Variants in FREM2 observed in about 807,000 individuals in gnomAD.
FREM2 encodes the protein FRAS1 related extracellular matrix 2, also known as FRAS1-related extracellular matrix protein 2.
A neutral mutation model predicts 219.9 loss-of-function variants in FREM2; 119 were observed. The ratio of observed to expected loss-of-function variants is 0.54; its 90% confidence interval spans 0.47 to 0.63. FREM2 has a LOEUF of 0.63. Ranked by LOEUF, FREM2 falls within the 30% of genes least tolerant of loss-of-function variation. The probability of loss-of-function intolerance (pLI) is 0.00; values close to 1 mark genes in which losing one functional copy is unlikely to be tolerated. For missense variants in FREM2, 4,030 were observed against 3,993.6 expected, an observed-to-expected ratio of 1.01 and a Z score of -0.25; for synonymous variants, 1,562 against 1,522.8, an observed-to-expected ratio of 1.03 and a Z score of -0.60.
intron 2 of FREM2, among the ~76,000 whole-genome samples, chr13:38,754,187 G>T (rs1166419691): frequency 1.3e-5 from 2 of 151,954 alleles, no homozygotes; most frequent in Non-Finnish European, 2.9e-5. Flanking sequence ...AAACCAGAGG[G>T]TCTTAAATCC....
chr13:38,825,554 C>T (rs1337859337), intron 6 of FREM2, among the ~76,000 whole-genome samples: 3 of 152,080 alleles, frequency 2.0e-5, no homozygotes, highest in African/African-American at 4.8e-5. Context: ...GTTAGCCTTC[C>T]ACCTAAAGCC....
chr13:38,766,293 A>G (rs1275288611), intron 3 of FREM2, among the ~76,000 whole-genome samples: 2 of 151,950 alleles, frequency 1.3e-5, no homozygotes, highest in Non-Finnish European at 2.9e-5. Flanking sequence ...TTTTCAATGC[A>G]CTATTATTTT....
At chr13:38,740,299 G>A (rs1872190311) in intron 2 of FREM2, among the ~76,000 whole-genome samples, 2 of 152,142 alleles carry the variant, frequency 1.3e-5, no homozygotes, top group South Asian at 4.1e-4. Flanking sequence ...CGAGAGATAT[G>A]TTACTTCAGT....
intron 6 of FREM2, among the ~76,000 whole-genome samples, chr13:38,832,008 G>A (rs1340677403): frequency 6.6e-6 from 1 of 152,018 alleles, no homozygotes; most frequent in Non-Finnish European, 1.5e-5. Context: ...TTTATGTAAA[G>A]TATTTATTGA....
At chr13:38,856,069 A>T (rs1014006064) in intron 11 of FREM2, 57 bp from the exon 12 acceptor site, 98 of 1,165,762 alleles carry the variant, frequency 8.4e-5, no homozygotes, top group Non-Finnish European at 1.1e-4. Flanking sequence ...AAAAAAAAAT[A>T]GAAAACTTCT....
chr13:38,799,613 A>C (rs915510436), intron 6 of FREM2, among the ~76,000 whole-genome samples: 8 of 151,896 alleles, frequency 5.3e-5, no homozygotes, highest in Admixed American at 3.9e-4. Context: ...CTTTAGACCT[A>C]GTAATATTTA....
intron 11 of FREM2, among the ~76,000 whole-genome samples, chr13:38,854,680 G>A (rs1027499439): frequency 1.3e-5 from 2 of 152,092 alleles, no homozygotes; most frequent in African/African-American, 4.8e-5. Flanking sequence ...AGACTGATGG[G>A]CTCATTATGA....
chr13:38,805,587 T>C (rs888662130), intron 6 of FREM2, among the ~76,000 whole-genome samples: 1 of 151,806 alleles, frequency 6.6e-6, no homozygotes, highest in African/African-American at 2.4e-5. Context: ...ATGGTGGCAG[T>C]TGAAATAAGG....
chr13:38,876,465 C>T, intron 20 of FREM2, 83 bp downstream of exon 20: 1 of 1,039,356 alleles, frequency 9.6e-7, no homozygotes, highest in Non-Finnish European at 1.5e-6. Context: ...AAAAAATCCA[C>T]ACGTGAATGA....
At chr13:38,836,855 C>T (rs1278997702) in intron 6 of FREM2, among the ~76,000 whole-genome samples, 1 of 151,994 alleles carries the variant, frequency 6.6e-6, no homozygotes. Context: ...ATTAGTGTGG[C>T]TAGTGGTGTA....
In FREM2 at chr13:38,861,486, A is replaced by G. The variant is rs768120375; in HGVS notation, c.7575A>G (p.Lys2525=). The change falls in exon 15 of 24, where the codon AAA becomes AAG. Residue 2525 remains lysine, a synonymous_variant. Coordinates refer to ENST00000280481, the MANE Select transcript of FREM2 (RefSeq NM_207361.6). ...GVVGAEPFSA[K]LRYTGPEDAD... ...TTGGAGCAGAGCCGTTCTCAGCTAA[A>G]TTGCGCTACACAGGCCCTGAGGATG... 1 of 1,613,882 alleles carries G rather than the reference A, an allele frequency of 6.2e-7. No homozygotes were observed. The highest frequency in any genetic ancestry group is 2.2e-5 in the East Asian group (1 of 44,874).
chr13:38,701,835 T>A (rs1255270823), intron 2 of FREM2, among the ~76,000 whole-genome samples: 1 of 152,080 alleles, frequency 6.6e-6, no homozygotes, highest in Non-Finnish European at 1.5e-5. Context: ...TTATTTACAG[T>A]AAAAATTTAT....
At chr13:38,815,928 A>G (rs182927602) in intron 6 of FREM2, among the ~76,000 whole-genome samples, 106 of 152,338 alleles carry the variant, frequency 7.0e-4, no homozygotes, top group Admixed American at 2.6e-3. Context: ...ATTGAAACCA[A>G]ATTTCAACAT....
chr13:38,853,144 A>G (rs1877434052), intron 11 of FREM2, among the ~76,000 whole-genome samples: 2 of 151,854 alleles, frequency 1.3e-5, no homozygotes, highest in African/African-American at 2.4e-5. Context: ...CCTGACCAAC[A>G]TGGCAAAACC....
chr13:38,852,334 A>AT (rs976234728), intron 11 of FREM2, among the ~76,000 whole-genome samples: 24 of 152,216 alleles, frequency 1.6e-4, no homozygotes, highest in African/African-American at 5.5e-4. Context: ...TATTTCCAAG[A>AT]TTTTTTTCTT....
chr13:38,822,544 G>A (rs558605272), intron 6 of FREM2, among the ~76,000 whole-genome samples: 4 of 151,946 alleles, frequency 2.6e-5, no homozygotes, highest in South Asian at 4.2e-4. Flanking sequence ...TGGGTCTAGC[G>A]TGCACGGTCT....
chr13:38,828,281 G>T (rs1416821145), intron 6 of FREM2, among the ~76,000 whole-genome samples: 2 of 152,134 alleles, frequency 1.3e-5, no homozygotes, highest in African/African-American at 4.8e-5. Flanking sequence ...GATTGAGTTA[G>T]TAGATAGATA....
Position 38,691,220 on chromosome 13 carries a change from C to A in FREM2, c.3876C>A (p.Val1292=). 2 of 1,613,834 alleles carry A rather than the reference C, an allele frequency of 1.2e-6. No homozygotes were observed. The highest frequency in any genetic ancestry group is 1.7e-6 in the Non-Finnish European group (2 of 1,179,872). ...TDGKHSVEKT[V]LIIVIPVDDE... is the part of the protein sequence containing the mutation. ...GGAAGCACTCTGTGGAAAAGACGGTCCTCATTATAGTTATCCCTGTTGATG... is the reference window on the plus strand; with the variant it reads ...GGAAGCACTCTGTGGAAAAGACGGTACTCATTATAGTTATCCCTGTTGATG... Residue 1292 remains valine, a synonymous_variant, in exon 1 of 24, where the codon GTC becomes GTA. Transcript: ENST00000280481.
chr13:38,851,841 G>A lies in FREM2; in HGVS notation c.6898G>A (p.Gly2300Arg). The change falls in exon 11 of 24, where the codon GGA becomes AGA. Residue 2300 changes from glycine (G) to arginine (R), a missense_variant. Physicochemically the swap from Gly to Arg is moderately radical, Grantham distance 125. This residue lies in a region of FREM2 where 3,102 missense variants were observed against 2,950.7 expected (regional missense o/e 1.05). Coordinates refer to ENST00000280481, the MANE Select transcript of FREM2 (RefSeq NM_207361.6). The stretch of plus-strand genomic sequence containing the variant: ...CACCAAGGATGGCTCGGCCACCTCT[G>A]GAGAAGACTACCACCCTGTGTCAGA... ...VHTKDGSATS[G>R]EDYHPVSEEI... is the part of the protein sequence containing the mutation. 6.2e-7 allele frequency: 1 copy of A among 1,613,840 alleles called. No homozygotes were observed. The highest frequency in any genetic ancestry group is 8.5e-7 in the Non-Finnish European group (1 of 1,179,908).
Sources: gnomAD v4.1 joint callset for allele counts (sites outside exome capture counted in the v4.1 genomes callset) on GRCh38, gnomAD v4.1.1 for gene constraint, gnomAD v4.1.1 regional missense constraint, MANE v1.5 for transcripts, NCBI Gene and HGNC (gene_info 2026-07-23, HGNC 2026-07-21) for gene names.